Variants in TAF15 observed in about 807,000 individuals in gnomAD.
TAF15 encodes the protein TATA-binding protein-associated factor 2N.
Under a neutral mutation model 102.5 loss-of-function variants are expected in TAF15, and 37 were observed. The ratio of observed to expected loss-of-function variants is 0.36; its 90% CI spans 0.28 to 0.47. TAF15 has a LOEUF of 0.47. TAF15 is among the 20% of genes least tolerant of loss of function. The pLI is 0.99. For synonymous variants in TAF15, 273 were observed against 259.2 expected (o/e 1.05, Z -0.51); for missense variants, 652 against 760.7 (o/e 0.86, Z 1.68).
At chr17:35,845,960 C>G (rs931087302) in intron 15 of TAF15, among the ~76,000 whole-genome samples, 2 of 152,136 alleles carry the variant, frequency 1.3e-5, no homozygotes, top group African/African-American at 4.8e-5. Context: ...TTTTTCAGAT[C>G]ATATATACTA....
In TAF15 at chr17:35,842,400, C is replaced by G. The variant is rs1304133162; in HGVS notation, c.947C>G (p.Ser316Cys). 6.2e-7 allele frequency: 1 copy of G among 1,613,898 alleles called. No homozygotes were observed. Among genetic ancestry groups the G allele is most frequent in the East Asian group, 2.2e-5 (1 of 44,896 alleles). ...TTCCATGGCAACATCATTAAAGTGTCCTTTGCCACTAGAAGACCTGAATTC... is the reference window on the plus strand; with the variant it reads ...TTCCATGGCAACATCATTAAAGTGTGCTTTGCCACTAGAAGACCTGAATTC... ...KEFHGNIIKV[S>C]FATRRPEFMR... is the part of the protein sequence containing the mutation. The change falls in exon 12 of 16, where the codon TCC (serine) becomes TGC (cysteine). Residue 316 changes from serine to cysteine, a missense_variant. Physicochemically the swap from Ser to Cys is moderately radical, Grantham distance 112. Around this residue, in one of 3 missense-constraint regions of TAF15, gnomAD observed 41 missense variants for 109.1 expected, o/e 0.38. Coordinates refer to ENST00000605844, the MANE Select transcript of TAF15 (RefSeq NM_139215.3).
chr17:35,835,784 A>C (rs1413817757), intron 9 of TAF15, among the ~76,000 whole-genome samples: 4 of 152,272 alleles, frequency 2.6e-5, no homozygotes, highest in Non-Finnish European at 4.4e-5. Context: ...AAAGAATTAG[A>C]GTTCTCCAGA....
intron 12 of TAF15, among the ~76,000 whole-genome samples, chr17:35,843,057 G>A (rs1364676431): frequency 2.0e-5 from 3 of 152,000 alleles, no homozygotes; most frequent in Non-Finnish European, 2.9e-5. Context: ...TACCTAATTA[G>A]GTAATTAATC....
Position 35,838,583 on chromosome 17 carries a change from GA to G in TAF15, c.913+32del, listed in dbSNP as rs2087503762. ...GCCTCATTCGTATAGTTTTCAGCAT[GA>G]AGTTGGATAAATGTTTTCTAGTCTG... On this transcript the variant is annotated intron_variant, in intron 11 of 15. Coordinates refer to ENST00000605844, the MANE Select transcript of TAF15 (RefSeq NM_139215.3). 3 of 1,611,154 alleles carry G rather than the reference GA, an allele frequency of 1.9e-6. No homozygotes were observed. In the African/African-American group the frequency reaches 4.1e-5, roughly 22 times the overall value.
At chr17:35,836,655 T>TTA (rs1268830946) in intron 10 of TAF15, among the ~76,000 whole-genome samples, 5 of 152,226 alleles carry the variant, frequency 3.3e-5, no homozygotes, top group African/African-American at 1.2e-4. Flanking sequence ...CTAAAGCGTC[T>TTA]TTTGCACTAT....
intron 15 of TAF15, 87 bp downstream of exon 15, chr17:35,845,125 A>G: frequency 6.5e-7 from 1 of 1,546,570 alleles, no homozygotes; most frequent in Non-Finnish European, 8.9e-7. Flanking sequence ...ATTTTTTGGA[A>G]CTTGAATTTC....
At position 35,844,109 on chromosome 17, in the gene TAF15, C is replaced by A; in HGVS notation, c.1039C>A (p.Gln347Lys). The change falls in exon 13 of 16, where the codon CAA becomes AAA. Residue 347 changes from glutamine (Q) to lysine (K), a missense_variant. This residue lies in a region of TAF15 where 368 missense variants were observed against 367.5 expected (regional missense o/e 1.00). Transcript: ENST00000605844. ...RGGYRGRGGF[Q>K]GRGGDPKSGD... ...AGGATATAGAGGTCGTGGAGGCTTT[C>A]AAGGGAGAGGTGGAGACCCCAAAAG... 1 of 1,614,068 alleles carries A rather than the reference C, an allele frequency of 6.2e-7. No individual in the cohort carries two copies. Among genetic ancestry groups the A allele is most frequent in the Non-Finnish European group, 8.5e-7 (1 of 1,180,012 alleles).
Position 35,820,244 on chromosome 17 carries a change from G to A in TAF15, c.180G>A (p.Gln60=), listed in dbSNP as rs1162278936. The part of the protein sequence containing the change: ...YSGYSSYGQS[Q]SGYSQSYGGY... The stretch of plus-strand genomic sequence containing the variant: ...GTTACTCCAGTTATGGACAAAGTCA[G>A]TCAGGTTGGACTAGTTTGTTAAATT... Residue 60 remains glutamine, a synonymous_variant, in exon 4 of 16, where the codon CAG becomes CAA. Coordinates refer to ENST00000605844, the MANE Select transcript of TAF15 (RefSeq NM_139215.3). The A allele has an allele frequency of 6.2e-7, 1 of 1,613,972 alleles. No homozygotes were observed. The highest frequency in any genetic ancestry group is 2.2e-5 in the East Asian group (1 of 44,878).
At position 35,830,890 on chromosome 17, in the gene TAF15, G is replaced by A. The variant is rs141261717; in HGVS notation, c.606-3017G>A. 2.6e-3 allele frequency among the ~76,000 whole-genome samples: 396 copies of A among 152,272 alleles called. 2 individuals are homozygous for A. Among genetic ancestry groups the A allele is most frequent in the African/African-American group, 8.8e-3 (367 of 41,556 alleles). ...TTACGCTTATATTCCATCATGTTTT[G>A]ATTAGTAAGGGGACAGACCCTTATT... is the stretch of plus-strand genomic sequence containing the variant. On this transcript the variant is annotated intron_variant, in intron 7 of 15. Coordinates refer to ENST00000605844, the MANE Select transcript of TAF15 (RefSeq NM_139215.3).
intron 7 of TAF15, among the ~76,000 whole-genome samples, chr17:35,826,353 G>A (rs567792661): frequency 3.3e-5 from 5 of 152,020 alleles, no homozygotes; most frequent in African/African-American, 7.3e-5. Context: ...TATGGATGCC[G>A]ATTACTCTTT....
chr17:35,835,672 A>G (rs967817684), intron 9 of TAF15, among the ~76,000 whole-genome samples: 2 of 152,256 alleles, frequency 1.3e-5, no homozygotes, highest in African/African-American at 2.4e-5. Flanking sequence ...GCTTATTGCA[A>G]TGAATGGGAA....
chr17:35,810,021 C>G, intron 1 of TAF15: 1 of 301,038 alleles, frequency 3.3e-6, no homozygotes, highest in Non-Finnish European at 6.4e-6. Context: ...GTTTTCCCAT[C>G]CTCGAAGTGG....
chr17:35,845,982 T>G (rs2143839688), intron 15 of TAF15, among the ~76,000 whole-genome samples: 1 of 152,338 alleles, frequency 6.6e-6, no homozygotes, highest in South Asian at 2.1e-4. Context: ...CCTGCAGTTG[T>G]TTTTCTGGAG....
rs936880490 is a variant in TAF15 at position 35,819,901 on chromosome 17, A to G, written c.48-123A>G. ...CAATTTAGACTCTAGAGACAGGGAG[A>G]TTGATGATTTCTCAGCAAAGAAGCT... On this transcript the variant is annotated intron_variant, in intron 2 of 15. Transcript: ENST00000605844. 7 of 842,088 alleles carry G rather than the reference A, an allele frequency of 8.3e-6. No individual in the cohort carries two copies. In the African/African-American group the frequency reaches 1.2e-4, roughly 14 times the overall value. The allele number at this position is 842,088 out of a possible 1,614,324, so 52.2% of individuals were successfully genotyped here. A position where few individuals can be genotyped will look rare whatever the true frequency, so the allele number is the denominator to read the frequency against.
intron 2 of TAF15, 64 bp downstream of exon 2, chr17:35,817,819 C>T: frequency 7.0e-7 from 1 of 1,424,562 alleles, no homozygotes. Flanking sequence ...TGTCAAGCTT[C>T]TTCTCTTGAG....
At chr17:35,817,268 C>A (rs1423273562) in intron 1 of TAF15, 1 of 150,178 alleles carries the variant, frequency 6.7e-6, no homozygotes, top group African/African-American at 2.5e-5. Flanking sequence ...TTTGTTGGTG[C>A]TGACAGCCAA....
chr17:35,820,042 T>G lies in TAF15; in HGVS notation c.66T>G (p.Asn22Lys). Residue 22 changes from asparagine (N) to lysine (K), a missense_variant, in exon 3 of 16, where the codon AAT (asparagine) becomes AAG (lysine). Around this residue, in one of 3 missense-constraint regions of TAF15, gnomAD observed 243 missense variants for 284.1 expected, o/e 0.86. Transcript: ENST00000605844. ...TTTGCAGTTATTCTACCTATGGAAA[T>G]CCAGGCAGCCAAGGCTATGGACAAG... ...GEQQSYSTYG[N>K]PGSQGYGQAS... 1 of 1,614,078 alleles carries G rather than the reference T, an allele frequency of 6.2e-7. No individual in the cohort carries two copies. Among genetic ancestry groups the G allele is most frequent in the Non-Finnish European group, 8.5e-7 (1 of 1,179,930 alleles).
At chr17:35,815,746 A>G (rs2087188032) in intron 1 of TAF15, among the ~76,000 whole-genome samples, 2 of 152,142 alleles carry the variant, frequency 1.3e-5, no homozygotes, top group Non-Finnish European at 2.9e-5. Context: ...ATTTGGGATA[A>G]TCTGATTTCC....
At position 35,824,477 on chromosome 17, in the gene TAF15, T is replaced by C. The variant is rs561803253; in HGVS notation, c.605+279T>C. 3.7e-4 allele frequency among the ~76,000 whole-genome samples: 57 copies of C among 152,310 alleles called. No homozygotes were observed. In the South Asian group the frequency reaches 0.011, roughly 29 times the overall value. ...TGGTTGTGATTAAATCACTTGACTT[T>C]CCTGCCAGAGCTAGAATCTTAACTC... On this transcript the variant is annotated intron_variant, in intron 7 of 15. Coordinates refer to ENST00000605844, the MANE Select transcript of TAF15 (RefSeq NM_139215.3).
Sources: gnomAD v4.1 joint callset for allele counts (sites outside exome capture counted in the v4.1 genomes callset) on GRCh38, gnomAD v4.1.1 for gene constraint, gnomAD v4.1.1 regional missense constraint, MANE v1.5 for transcripts, NCBI Gene and HGNC (gene_info 2026-07-23, HGNC 2026-07-21) for gene names.